Variants in SPOP observed in about 807,000 individuals in gnomAD.
SPOP encodes speckle type BTB/POZ protein.
In SPOP, 11 loss-of-function variants were observed where a neutral mutation model predicts 45.6. That is an observed-to-expected ratio of 0.24 (90% CI 0.15 to 0.40). The LOEUF (loss-of-function observed/expected upper bound fraction) is 0.40, where lower values mean the gene tolerates loss of function less well. SPOP is among the 10% of genes least tolerant of loss of function. The pLI is 1.00. For missense variants in SPOP, 152 were observed against 465.6 expected (o/e 0.33, Z 6.20); for synonymous variants, 166 against 166.3 (o/e 1.00, Z 0.01).
chr17:49,648,970 G>C (rs1433762413), intron 1 of SPOP, among the ~76,000 whole-genome samples: 1 of 152,040 alleles, frequency 6.6e-6, no homozygotes, highest in Non-Finnish European at 1.5e-5. Flanking sequence ...TGTTAGCCAG[G>C]ATGGTCTTGA....
At chr17:49,618,429 C>T (rs1180079841) in intron 5 of SPOP, 1 of 399,936 alleles carries the variant, frequency 2.5e-6, no homozygotes, top group Non-Finnish European at 4.9e-6. Flanking sequence ...TAACTGACTA[C>T]AGATAACTCT....
intron 1 of SPOP, among the ~76,000 whole-genome samples, chr17:49,668,560 A>C (rs2073092734): frequency 6.6e-6 from 1 of 152,134 alleles, no homozygotes; most frequent in South Asian, 2.1e-4. Context: ...AGAAAATAGG[A>C]GTACACTAAG....
In SPOP at chr17:49,622,890, A is replaced by G; in HGVS notation, c.-66-14T>C. On this transcript the variant is annotated splice_polypyrimidine_tract_variant and intron_variant, in intron 1 of 9. Transcript: ENST00000504102. ...TCCCTCTTCACCCTGGTCAGATCCA[A>G]GAAGCAAGAAAACTTTATTAGATTA... 8.6e-7 allele frequency: 1 copy of G among 1,156,444 alleles called. No homozygotes were observed. Among genetic ancestry groups the G allele is most frequent in the Admixed American group, 1.8e-5 (1 of 57,064 alleles). The allele number at this position is 1,156,444 out of a possible 1,614,324, so 71.6% of individuals were successfully genotyped here. A position where few individuals can be genotyped will look rare whatever the true frequency, so the allele number is the denominator to read the frequency against.
intron 1 of SPOP, among the ~76,000 whole-genome samples, chr17:49,654,834 G>T (rs1202828637): frequency 6.6e-6 from 1 of 152,132 alleles, no homozygotes; most frequent in Non-Finnish European, 1.5e-5. Context: ...GGTTTATTTT[G>T]TCAACTGTTA....
At chr17:49,671,634 G>A (rs1448105700) in intron 1 of SPOP, among the ~76,000 whole-genome samples, 1 of 152,074 alleles carries the variant, frequency 6.6e-6, no homozygotes, top group Non-Finnish European at 1.5e-5. Context: ...CACCATTAGA[G>A]ATGATATTGT....
intron 8 of SPOP, among the ~76,000 whole-genome samples, chr17:49,606,754 G>A (rs1453857270): frequency 1.2e-4 from 18 of 151,750 alleles, no homozygotes; most frequent in Admixed American, 1.1e-3. Flanking sequence ...CTCGGCCTCC[G>A]ATAAGTGCTG....
chr17:49,647,765 G>A (rs1222321261), intron 1 of SPOP, among the ~76,000 whole-genome samples: 1 of 152,170 alleles, frequency 6.6e-6, no homozygotes, highest in Non-Finnish European at 1.5e-5. Context: ...ATAGGTGTGA[G>A]CCACTGCGCC....
Position 49,600,535 on chromosome 17 carries a change from T to C in SPOP, c.981-13A>G. 2 of 1,613,932 alleles carry C rather than the reference T, an allele frequency of 1.2e-6. No homozygotes were observed. Among genetic ancestry groups the C allele is most frequent in the Non-Finnish European group, 1.7e-6 (2 of 1,179,960 alleles). On this transcript the variant is annotated splice_polypyrimidine_tract_variant and intron_variant, in intron 9 of 9. Coordinates refer to ENST00000504102, the MANE Select transcript of SPOP (RefSeq NM_001007228.2). This position sits in a 1 kb window ranked among gnomAD's most constrained non-coding sequence, Gnocchi z 4.2. ...ATCCGAAGCATGACTAGGAGAAATG[T>C]GGAGAAATGGGTTACCAAAGGGAGT...
At chr17:49,604,535 T>C (rs993816552) in intron 8 of SPOP, among the ~76,000 whole-genome samples, 1 of 152,232 alleles carries the variant, frequency 6.6e-6, no homozygotes, top group Non-Finnish European at 1.5e-5. Context: ...TGGAAGGCTC[T>C]TGTGTCCTTA....
At chr17:49,635,494 A>AAT (rs1391237631) in intron 1 of SPOP, among the ~76,000 whole-genome samples, 2 of 152,204 alleles carry the variant, frequency 1.3e-5, no homozygotes, top group African/African-American at 4.8e-5. Context: ...TGTTACACAA[A>AAT]ATGGTGGAGA....
intron 1 of SPOP, among the ~76,000 whole-genome samples, chr17:49,630,315 C>G (rs1014951833): frequency 6.6e-6 from 1 of 152,190 alleles, no homozygotes; most frequent in Non-Finnish European, 1.5e-5. Flanking sequence ...AGGAGGTAAT[C>G]TTTTCTTTCT....
Position 49,600,625 on chromosome 17 carries a change from G to T in SPOP, c.981-103C>A. 1 of 1,280,016 alleles carries T rather than the reference G, an allele frequency of 7.8e-7. No individual in the cohort carries two copies. Among genetic ancestry groups the T allele is most frequent in the Non-Finnish European group, 1.1e-6 (1 of 907,914 alleles). The allele number at this position is 1,280,016 out of a possible 1,614,324, so 79.3% of individuals were successfully genotyped here. On this transcript the variant is annotated intron_variant, in intron 9 of 9. Transcript: ENST00000504102. This position sits in a 1 kb window ranked among gnomAD's most constrained non-coding sequence, Gnocchi z 4.2. ...TTTTCCACTGTTAGGTATAAAGGGT[G>T]TCAATGCAAGAAACAGAAGAACCCT...
intron 1 of SPOP, among the ~76,000 whole-genome samples, chr17:49,675,473 C>CT (rs1192210353): frequency 6.6e-6 from 1 of 152,178 alleles, no homozygotes; most frequent in African/African-American, 2.4e-5. Context: ...ATAAACAAGA[C>CT]TGTTGCCTTT....
intron 2 of SPOP, 81 bp downstream of exon 2, chr17:49,622,652 A>G (rs1242777146): frequency 4.1e-6 from 5 of 1,218,580 alleles, no homozygotes; most frequent in Non-Finnish European, 6.1e-6. Flanking sequence ...AAGAAGCCCA[A>G]TGTAGAAAAG....
intron 1 of SPOP, among the ~76,000 whole-genome samples, chr17:49,665,935 C>A (rs1227108059): frequency 6.7e-6 from 1 of 149,278 alleles, no homozygotes; most frequent in Non-Finnish European, 1.5e-5. Context: ...AGTGAGATAG[C>A]GCCACTGCAC....
chr17:49,669,541 C>T (rs1352753341), intron 1 of SPOP, among the ~76,000 whole-genome samples: 6 of 146,158 alleles, frequency 4.1e-5, no homozygotes, highest in African/African-American at 1.0e-4. Flanking sequence ...CTGAGGTGGG[C>T]GGATCACAAG....
chr17:49,610,237 G>A (rs780962769), intron 6 of SPOP, among the ~76,000 whole-genome samples: 1 of 151,320 alleles, frequency 6.6e-6, no homozygotes, highest in African/African-American at 2.4e-5. Context: ...TTTTTCCCCC[G>A]AGACAGAGTC....
intron 1 of SPOP, among the ~76,000 whole-genome samples, chr17:49,624,341 AC>A (rs2072285432): frequency 8.6e-6 from 1 of 115,610 alleles, no homozygotes; most frequent in Admixed American, 9.4e-5. Flanking sequence ...GCACACACAC[AC>A]ACACACACAC....
At chr17:49,606,431 T>C (rs2071846755) in intron 8 of SPOP, among the ~76,000 whole-genome samples, 1 of 151,532 alleles carries the variant, frequency 6.6e-6, no homozygotes, top group Non-Finnish European at 1.5e-5. Flanking sequence ...GCTGGGATTA[T>C]AGGCTGGAGG....
Sources: gnomAD v4.1 joint callset for allele counts (sites outside exome capture counted in the v4.1 genomes callset) on GRCh38, gnomAD v4.1.1 for gene constraint, Gnocchi (gnomAD v3.1) non-coding constraint, MANE v1.5 for transcripts, NCBI Gene and HGNC (gene_info 2026-07-23, HGNC 2026-07-21) for gene names.